The following TANC2 variants were observed in gnomAD, a reference collection of about 807,000 sequenced individuals.
TANC2 encodes the protein tetratricopeptide repeat, ankyrin repeat and coiled-coil containing 2, also known as protein TANC2.
In TANC2, 26 loss-of-function variants were observed where a neutral mutation model predicts 210.5. The ratio of observed to expected loss-of-function variants is 0.12; its 90% confidence interval spans 0.09 to 0.17. The LOEUF (loss-of-function observed/expected upper bound fraction) is 0.17, where lower values mean the gene tolerates loss of function less well. Among genes scored for constraint, TANC2 ranks in the 10% least tolerant of loss-of-function variants. The pLI is 1.00. For synonymous variants in TANC2, 931 were observed against 967.1 expected, an observed-to-expected ratio of 0.96 and a Z score of 0.69; for missense variants, 2,129 against 2,608.9, an observed-to-expected ratio of 0.82 and a Z score of 4.01.
intron 1 of TANC2, among the ~76,000 whole-genome samples, chr17:62,986,289 G>C (rs1405200122): frequency 6.6e-6 from 1 of 152,142 alleles, no homozygotes; most frequent in Non-Finnish European, 1.5e-5. Context: ...TTTGGAAGCC[G>C]GGGACATTAC....
intron 2 of TANC2, among the ~76,000 whole-genome samples, chr17:63,028,567 C>G (rs118064678): frequency 6.6e-6 from 1 of 152,110 alleles, no homozygotes; most frequent in Non-Finnish European, 1.5e-5. Flanking sequence ...AGATTTGCCT[C>G]AACTCCCCAT....
intron 2 of TANC2, among the ~76,000 whole-genome samples, chr17:63,056,333 A>G (rs556388334): frequency 6.6e-6 from 1 of 151,942 alleles, no homozygotes; most frequent in South Asian, 2.1e-4. Context: ...GTCTTAGAGA[A>G]TTTTTCAAAC....
intron 2 of TANC2, among the ~76,000 whole-genome samples, chr17:63,039,881 A>G (rs1402235336): frequency 1.3e-5 from 2 of 152,118 alleles, no homozygotes; most frequent in African/African-American, 4.8e-5. Flanking sequence ...ATAAACATTT[A>G]TATTTATACT....
chr17:63,314,603 G>T, exon 10 of TANC2: 1 of 1,613,970 alleles, frequency 6.2e-7, no homozygotes, highest in Non-Finnish European at 8.5e-7. Flanking sequence ...CAGACTGGTG[G>T]CCCTCAGCTG....
At chr17:63,140,762 T>G (rs192310674) in intron 4 of TANC2, among the ~76,000 whole-genome samples, 14 of 152,322 alleles carry the variant, frequency 9.2e-5, no homozygotes, top group Non-Finnish European at 1.9e-4. Context: ...TTTGTTTTGT[T>G]TTTGAGACAG....
intron 5 of TANC2, among the ~76,000 whole-genome samples, chr17:63,159,878 A>G (rs1320178784): frequency 2.0e-5 from 3 of 152,188 alleles, no homozygotes; most frequent in Non-Finnish European, 4.4e-5. Context: ...ACAAAATACC[A>G]TAGATTGGGT....
intron 2 of TANC2, among the ~76,000 whole-genome samples, chr17:63,046,187 T>A (rs2035369915): frequency 6.6e-6 from 1 of 151,686 alleles, no homozygotes; most frequent in African/African-American, 2.4e-5. Flanking sequence ...TGAGACAGAG[T>A]CTCACTCTGT....
rs1034272555 is a variant in TANC2 at position 63,337,659 on chromosome 17, A to G, written c.1576-2442A>G. Among the ~76,000 whole-genome samples, 7 of 149,562 alleles carry G rather than the reference A, an allele frequency of 4.7e-5. No individual in the cohort carries two copies. In the East Asian group the frequency reaches 9.8e-4, roughly 21 times the overall value. On this transcript the variant is annotated intron_variant, in intron 11 of 27. Transcript: ENST00000689528. ...TTTAAGGTCAGAGGCACACGTGCACATTTATTATATAGGTAAACTCATGTC... is the reference window on the plus strand; with the variant it reads ...TTTAAGGTCAGAGGCACACGTGCACGTTTATTATATAGGTAAACTCATGTC...
Position 63,118,627 on chromosome 17 carries a change from A to G in TANC2, c.322+19270A>G, listed in dbSNP as rs910634520. Among the ~76,000 whole-genome samples the G allele has an allele frequency of 9.9e-5, 15 of 152,122 alleles. No individual in the cohort carries two copies. In the East Asian group the frequency reaches 2.7e-3, roughly 27 times the overall value. On this transcript the variant is annotated intron_variant, in intron 4 of 27. Coordinates refer to ENST00000689528, the Ensembl canonical transcript of TANC2. ...CTTCCTAAGTTGCTCTTATTGATTT[A>G]TTGATTGATTGAGACAGGGTTGCCC...
intron 9 of TANC2, among the ~76,000 whole-genome samples, chr17:63,284,347 A>C (rs562437177): frequency 6.6e-6 from 1 of 151,782 alleles, no homozygotes; most frequent in South Asian, 2.1e-4. Context: ...GCAATTTTGT[A>C]TTTACTGTTC....
chr17:63,274,741 C>A (rs1050337649), intron 9 of TANC2, among the ~76,000 whole-genome samples: 1 of 152,126 alleles, frequency 6.6e-6, no homozygotes, highest in Non-Finnish European at 1.5e-5. Flanking sequence ...TCACTTGAAC[C>A]TGGGAGGTGG....
intron 12 of TANC2, among the ~76,000 whole-genome samples, chr17:63,342,795 G>A (rs56375154): frequency 6.6e-6 from 1 of 152,122 alleles, no homozygotes; most frequent in Non-Finnish European, 1.5e-5. Flanking sequence ...AGAAAAGAAG[G>A]CTATCCAAAT....
chr17:63,359,399 A>G (rs1182778643), intron 14 of TANC2, among the ~76,000 whole-genome samples: 1 of 149,994 alleles, frequency 6.7e-6, no homozygotes, highest in Non-Finnish European at 1.5e-5. Context: ...GCTAGAGTGC[A>G]GTGATGCGAT....
intron 2 of TANC2, among the ~76,000 whole-genome samples, chr17:63,024,558 T>C (rs2034476151): frequency 6.6e-6 from 1 of 152,262 alleles, no homozygotes; most frequent in Middle Eastern, 3.4e-3. Flanking sequence ...TCTCATTCTG[T>C]GATTAAGAAT....
At chr17:63,314,160 T>C (rs1455548563) in intron 9 of TANC2, among the ~76,000 whole-genome samples, 1 of 152,240 alleles carries the variant, frequency 6.6e-6, no homozygotes, top group Non-Finnish European at 1.5e-5. Flanking sequence ...AAATCATTAA[T>C]GTTTTATCAG....
At chr17:62,971,960 G>C (rs564805380) in intron 1 of TANC2, among the ~76,000 whole-genome samples, 66 of 152,302 alleles carry the variant, frequency 4.3e-4, no homozygotes, top group African/African-American at 1.5e-3. Flanking sequence ...AAAGGTTGGG[G>C]ACCGCTGTTT....
At chr17:63,063,161 A>G (rs868853598) in intron 2 of TANC2, among the ~76,000 whole-genome samples, 1 of 152,318 alleles carries the variant, frequency 6.6e-6, no homozygotes, top group Middle Eastern at 3.4e-3. Flanking sequence ...GAACAGCCAG[A>G]TGATAGAGAT....
At chr17:63,053,477 A>G (rs1451700584) in intron 2 of TANC2, among the ~76,000 whole-genome samples, 1 of 152,312 alleles carries the variant, frequency 6.6e-6, no homozygotes, top group East Asian at 1.9e-4. Context: ...CTATTCTCAC[A>G]GTATTCTCCC....
Position 63,418,921 on chromosome 17 carries a change from C to CCACA in TANC2, c.4268+523_4268+526dup, listed in dbSNP as rs1196318058. 6.6e-6 allele frequency among the ~76,000 whole-genome samples: 1 copy of CCACA among 151,942 alleles called. No individual in the cohort carries two copies. Among genetic ancestry groups the CCACA allele is most frequent in the Non-Finnish European group, 1.5e-5 (1 of 67,972 alleles). On this transcript the variant is annotated intron_variant, in intron 27 of 27. Transcript: ENST00000689528. The surrounding 1 kb of genome is among the most constrained non-coding windows in gnomAD (Gnocchi z 4.6). ...CCCCTTCCACCTAAACCATCACCCACCACACACACACAGAGTCAAGAGGTC... is the reference window on the plus strand; with the variant it reads ...CCCCTTCCACCTAAACCATCACCCACCACACACACACACACAGAGTCAAGAGGTC...
Sources: allele counts gnomAD v4.1 joint callset (sites outside exome capture counted in the v4.1 genomes callset), GRCh38; gene constraint gnomAD v4.1.1; non-coding constraint Gnocchi (gnomAD v3.1); transcripts MANE v1.5; gene names NCBI Gene and HGNC (gene_info 2026-07-23, HGNC 2026-07-21).